Variants in IGF2BP3 observed in about 807,000 individuals in gnomAD.
The protein encoded by IGF2BP3 is insulin like growth factor 2 mRNA binding protein 3, also known as insulin-like growth factor 2 mRNA-binding protein 3.
A neutral mutation model predicts 73.8 loss-of-function variants in IGF2BP3; 9 were observed. That is an observed-to-expected ratio of 0.12 (90% confidence interval 0.07 to 0.21). IGF2BP3 has a LOEUF of 0.21. IGF2BP3 is among the 10% of genes least tolerant of loss of function. The pLI is 1.00. For synonymous variants in IGF2BP3, 258 were observed against 256.7 expected (o/e 1.01, Z -0.05); for missense variants, 542 against 714.0 (o/e 0.76, Z 2.75).
intron 2 of IGF2BP3, among the ~76,000 whole-genome samples, chr7:23,463,201 A>G (rs928745991): frequency 3.9e-5 from 6 of 152,252 alleles, no homozygotes; most frequent in African/African-American, 1.4e-4. Flanking sequence ...AAAATTAGTT[A>G]TTGCTAGAAA....
intron 3 of IGF2BP3, among the ~76,000 whole-genome samples, chr7:23,376,740 T>C (rs528579999): frequency 1.3e-5 from 2 of 151,972 alleles, no homozygotes; most frequent in African/African-American, 2.4e-5. Context: ...TGGTGGTGCA[T>C]GCCTGTAGTC....
intron 2 of IGF2BP3, among the ~76,000 whole-genome samples, chr7:23,433,849 A>G (rs1408297823): frequency 1.3e-5 from 2 of 152,070 alleles, no homozygotes; most frequent in Non-Finnish European, 2.9e-5. Flanking sequence ...CCGAGGCGGG[A>G]GGATCATCTG....
Position 23,399,013 on chromosome 7 carries a change from C to G in IGF2BP3, c.285+19763G>C, listed in dbSNP as rs62468249. The stretch of plus-strand genomic sequence containing the variant: ...CCTATGTCCTGAATGGTATTGCCTA[C>G]GTTTTCTTCTAGGGTTTTTATGGTT... On this transcript the variant is annotated intron_variant, in intron 3 of 14. Coordinates refer to ENST00000258729, the MANE Select transcript of IGF2BP3 (RefSeq NM_006547.3). Among the ~76,000 whole-genome samples the G allele has an allele frequency of 2.4e-3, 367 of 152,180 alleles. 2 individuals are homozygous for G. The highest frequency in any genetic ancestry group is 7.9e-3 in the African/African-American group (326 of 41,518).
At chr7:23,334,822 C>CAAACA (rs1178094612) in intron 10 of IGF2BP3, among the ~76,000 whole-genome samples, 2 of 152,114 alleles carry the variant, frequency 1.3e-5, no homozygotes, top group Non-Finnish European at 2.9e-5. Flanking sequence ...CAAGTATGAG[C>CAAACA]AAACAGTAAG....
intron 2 of IGF2BP3, among the ~76,000 whole-genome samples, chr7:23,435,194 G>A (rs1389854509): frequency 2.0e-5 from 3 of 147,590 alleles, no homozygotes; most frequent in African/African-American, 5.0e-5. Context: ...TCAGGAGGCT[G>A]AGGCAGGAGA....
At chr7:23,380,637 G>T (rs1219308845) in intron 3 of IGF2BP3, among the ~76,000 whole-genome samples, 1 of 152,152 alleles carries the variant, frequency 6.6e-6, no homozygotes, top group Admixed American at 6.5e-5. Flanking sequence ...CCCCAGTCTT[G>T]GTTAACTCCC....
intron 2 of IGF2BP3, among the ~76,000 whole-genome samples, chr7:23,442,383 T>C (rs946898113): frequency 1.3e-5 from 2 of 150,302 alleles, no homozygotes; most frequent in Non-Finnish European, 3.0e-5. Flanking sequence ...GTCAATAACA[T>C]AGAATAACAT....
chr7:23,330,776 C>T (rs1340837131), intron 10 of IGF2BP3, among the ~76,000 whole-genome samples: 1 of 151,982 alleles, frequency 6.6e-6, no homozygotes, highest in East Asian at 1.9e-4. Flanking sequence ...GACATACGGT[C>T]TAGAATCATA....
chr7:23,468,669 C>T, intron 1 of IGF2BP3, 127 bp from the exon 2 acceptor site: 1 of 914,378 alleles, frequency 1.1e-6, no homozygotes, highest in Non-Finnish European at 1.8e-6. Flanking sequence ...GAGGCCCGGA[C>T]GCGGCTCCAG....
intron 2 of IGF2BP3, among the ~76,000 whole-genome samples, chr7:23,442,861 TAAA>T (rs1787968731): frequency 6.6e-6 from 1 of 152,192 alleles, no homozygotes; most frequent in Non-Finnish European, 1.5e-5. Flanking sequence ...AGTCCTTTGA[TAAA>T]TTCAGAGATT....
intron 3 of IGF2BP3, among the ~76,000 whole-genome samples, chr7:23,406,413 G>A (rs573900477): frequency 1.3e-5 from 2 of 152,298 alleles, no homozygotes; most frequent in South Asian, 2.1e-4. Context: ...GAATGAAGCC[G>A]TGGACTCCCA....
chr7:23,421,455 G>A (rs376769383), intron 2 of IGF2BP3, among the ~76,000 whole-genome samples: 1 of 152,130 alleles, frequency 6.6e-6, no homozygotes, highest in South Asian at 2.1e-4. Flanking sequence ...CACTTTGGGA[G>A]GCTGAGGTGG....
chr7:23,446,962 G>A (rs545217157), intron 2 of IGF2BP3, among the ~76,000 whole-genome samples: 58 of 152,122 alleles, frequency 3.8e-4, no homozygotes, highest in African/African-American at 1.3e-3. Context: ...TAGCACTTTC[G>A]GAGGCTGAGG....
intron 3 of IGF2BP3, among the ~76,000 whole-genome samples, chr7:23,416,464 A>C (rs1047729126): frequency 7.9e-5 from 12 of 152,200 alleles, no homozygotes; most frequent in Non-Finnish European, 1.5e-4. Context: ...TCTTTGATGC[A>C]TCATTTAATT....
At position 23,317,625 on chromosome 7, in the gene IGF2BP3, T is replaced by G; in HGVS notation, c.1395+14A>C. 6.2e-7 allele frequency: 1 copy of G among 1,609,610 alleles called. No homozygotes were observed. The highest frequency in any genetic ancestry group is 8.5e-7 in the Non-Finnish European group (1 of 1,175,884). ...TGTTACCTGTGGACATAGCACATAC[T>G]CTAGAGCACATACCTTGAACTGAGC... is the stretch of plus-strand genomic sequence containing the variant. On this transcript the variant is annotated intron_variant, in intron 12 of 14. Transcript: ENST00000258729.
intron 3 of IGF2BP3, among the ~76,000 whole-genome samples, chr7:23,392,938 A>C (rs1265919624): frequency 5.3e-5 from 8 of 152,154 alleles, no homozygotes; most frequent in African/African-American, 1.9e-4. Flanking sequence ...AAACATTTCT[A>C]ATTTAAAAAA....
intron 3 of IGF2BP3, among the ~76,000 whole-genome samples, chr7:23,400,848 G>A (rs1786637286): frequency 1.3e-5 from 2 of 152,254 alleles, no homozygotes; most frequent in Non-Finnish European, 2.9e-5. Flanking sequence ...GGCCTAGGCT[G>A]GAGTGCAGAG....
At position 23,464,257 on chromosome 7, in the gene IGF2BP3, C is replaced by T. The variant is rs373557249; in HGVS notation, c.236+4225G>A. ...ACTTAAAGTAAGTTACATTTAAAAC[C>T]CCGATGACTTTTATAAGTTCTATCC... On this transcript the variant is annotated intron_variant, in intron 2 of 14. Coordinates refer to ENST00000258729, the MANE Select transcript of IGF2BP3 (RefSeq NM_006547.3). Among the ~76,000 whole-genome samples, 573 of 152,244 alleles carry T rather than the reference C, an allele frequency of 3.8e-3. 7 individuals carry two copies. The highest frequency in any genetic ancestry group is 0.028 in the South Asian group (133 of 4,822).
At chr7:23,406,432 G>A (rs943844730) in intron 3 of IGF2BP3, among the ~76,000 whole-genome samples, 8 of 152,178 alleles carry the variant, frequency 5.3e-5, no homozygotes, top group African/African-American at 1.9e-4. Context: ...CACGGTGAGT[G>A]TTACAGTTCT....
Sources: gnomAD v4.1 joint callset for allele counts (sites outside exome capture counted in the v4.1 genomes callset) on GRCh38, gnomAD v4.1.1 for gene constraint, MANE v1.5 for transcripts, NCBI Gene and HGNC (gene_info 2026-07-23, HGNC 2026-07-21) for gene names.